DOCK1: variants seen among roughly 807,000 people sequenced by gnomAD.
DOCK1 encodes dedicator of cytokinesis protein 1.
A neutral mutation model predicts 262.7 loss-of-function variants in DOCK1; 138 were observed. The ratio of observed to expected loss-of-function variants is 0.53; its 90% confidence interval spans 0.46 to 0.61. DOCK1 has a LOEUF of 0.61. DOCK1 is among the 20% of genes least tolerant of loss of function. The pLI is 0.00. For synonymous variants in DOCK1, 866 were observed against 867.4 expected, an observed-to-expected ratio of 1.00 and a Z score of 0.03; for missense variants, 1,908 against 2,370.7, an observed-to-expected ratio of 0.80 and a Z score of 4.05.
intron 27 of DOCK1, among the ~76,000 whole-genome samples, chr10:127,244,069 A>G (rs772607052): frequency 2.6e-5 from 4 of 152,274 alleles, no homozygotes; most frequent in African/African-American, 7.2e-5. Flanking sequence ...TGGTTGCACA[A>G]TATTTCATCA....
intron 27 of DOCK1, among the ~76,000 whole-genome samples, chr10:127,182,637 G>A (rs2055846540): frequency 6.6e-6 from 1 of 152,144 alleles, no homozygotes; most frequent in East Asian, 1.9e-4. Flanking sequence ...GAGACATTAT[G>A]TCAATGTAAA....
chr10:126,964,940 C>A (rs2037547224), intron 1 of DOCK1, among the ~76,000 whole-genome samples: 1 of 152,226 alleles, frequency 6.6e-6, no homozygotes, highest in African/African-American at 2.4e-5. Flanking sequence ...CTCTTTCAGA[C>A]TGCATGAGGA....
At chr10:127,054,742 A>T (rs574462775) in intron 22 of DOCK1, among the ~76,000 whole-genome samples, 1 of 152,280 alleles carries the variant, frequency 6.6e-6, no homozygotes, top group South Asian at 2.1e-4. Context: ...GATTTTTGTC[A>T]TGTTTTATTT....
chr10:127,425,690 C>T (rs1263133469), intron 46 of DOCK1, among the ~76,000 whole-genome samples, 184 bp from the exon 47 acceptor site: 1 of 152,132 alleles, frequency 6.6e-6, no homozygotes, highest in Non-Finnish European at 1.5e-5. Context: ...ATTCAGAACA[C>T]AAATGGTTTT....
intron 29 of DOCK1, among the ~76,000 whole-genome samples, chr10:127,302,715 G>A (rs1162108912): frequency 1.3e-5 from 2 of 150,768 alleles, no homozygotes; most frequent in African/African-American, 4.9e-5. Context: ...CATAGGGACA[G>A]CTTTTCCTAA....
At chr10:126,951,095 A>G (rs2036179433) in intron 1 of DOCK1, among the ~76,000 whole-genome samples, 5 of 149,950 alleles carry the variant, frequency 3.3e-5, no homozygotes, top group African/African-American at 9.8e-5. Flanking sequence ...AGTATTGATG[A>G]TAGTGGTGGT....
At chr10:127,357,290 G>C (rs527931313) in intron 32 of DOCK1, among the ~76,000 whole-genome samples, 1 of 152,194 alleles carries the variant, frequency 6.6e-6, no homozygotes, top group South Asian at 2.1e-4. Context: ...TGTCACCTCT[G>C]TAGTCCCTGA....
intron 29 of DOCK1, among the ~76,000 whole-genome samples, chr10:127,298,298 C>T (rs188017038): frequency 6.6e-6 from 1 of 152,092 alleles, no homozygotes; most frequent in Admixed American, 6.5e-5. Flanking sequence ...GGGGTTAGCT[C>T]GAATCTGTGA....
rs61115680 is a variant in DOCK1 at position 127,314,824 on chromosome 10, G to A, written c.3045-24182G>A. Among the ~76,000 whole-genome samples, 699 of 152,330 alleles carry A rather than the reference G, an allele frequency of 4.6e-3. 6 individuals are homozygous for A. Among genetic ancestry groups the A allele is most frequent in the African/African-American group, 0.016 (665 of 41,580 alleles). Reference sequence around the variant, plus strand: ...CTGACCTCGCACCCTCCTAGGGGAGGCAGGGGGCTGAGACCATCTGAAGCC... The same window carrying A: ...CTGACCTCGCACCCTCCTAGGGGAGACAGGGGGCTGAGACCATCTGAAGCC... On this transcript the variant is annotated intron_variant, in intron 29 of 51. Transcript: ENST00000623213.
rs2044741721 is a variant in DOCK1, at chr10:127,051,800, C to T, written c.2202-881C>T. Among the ~76,000 whole-genome samples the T allele has an allele frequency of 2.6e-5, 4 of 152,110 alleles. No homozygotes were observed. In the South Asian group the frequency reaches 8.3e-4, roughly 32 times the overall value. ...GTTTCATTTTGTTGTCCAGGCTGGT[C>T]TCAAACTCCTGAGTTGAAGTGATTC... On this transcript the variant is annotated intron_variant, in intron 21 of 51. Transcript: ENST00000623213.
chr10:127,080,863 C>T (rs1276201737), intron 23 of DOCK1, among the ~76,000 whole-genome samples: 4 of 152,134 alleles, frequency 2.6e-5, no homozygotes, highest in Non-Finnish European at 5.9e-5. Flanking sequence ...CAATTTGCCT[C>T]TGTACTCTCC....
At chr10:127,276,290 A>C (rs2060737933) in intron 29 of DOCK1, among the ~76,000 whole-genome samples, 1 of 152,060 alleles carries the variant, frequency 6.6e-6, no homozygotes, top group African/African-American at 2.4e-5. Flanking sequence ...ACCATTCTTA[A>C]AGCTTTCCAA....
In DOCK1 at chr10:126,995,851, T is replaced by C. The variant is rs1460897059; in HGVS notation, c.474-897T>C. Among the ~76,000 whole-genome samples the C allele has an allele frequency of 1.3e-5, 2 of 152,182 alleles. No homozygotes were observed. The highest frequency in any genetic ancestry group is 4.8e-5 in the African/African-American group (2 of 41,438). The stretch of plus-strand genomic sequence containing the variant: ...TTCACATACAATAGAACATCTGTAT[T>C]GAAAATCTTCCTGTGGCCTCATGTA... On this transcript the variant is annotated intron_variant, in intron 6 of 51. Transcript: ENST00000623213. This position sits in a 1 kb window ranked among gnomAD's most constrained non-coding sequence, Gnocchi z 5.8.
chr10:127,197,119 G>C (rs1360222154), intron 27 of DOCK1, among the ~76,000 whole-genome samples: 1 of 152,118 alleles, frequency 6.6e-6, no homozygotes, highest in Non-Finnish European at 1.5e-5. Context: ...CTCTCTACAT[G>C]GGGACAGGAG....
intron 27 of DOCK1, among the ~76,000 whole-genome samples, chr10:127,195,467 C>G (rs2134159861): frequency 6.6e-6 from 1 of 152,316 alleles, no homozygotes; most frequent in Non-Finnish European, 1.5e-5. Context: ...TCTGCCTTCA[C>G]TGCTGCTCGC....
At chr10:127,081,542 C>T (rs2046898655) in intron 23 of DOCK1, among the ~76,000 whole-genome samples, 1 of 152,122 alleles carries the variant, frequency 6.6e-6, no homozygotes, top group African/African-American at 2.4e-5. Context: ...GTGTTTCTGT[C>T]TTCACTCCTC....
chr10:127,099,512 T>C (rs1274202273), intron 23 of DOCK1, among the ~76,000 whole-genome samples: 1 of 152,168 alleles, frequency 6.6e-6, no homozygotes, highest in Non-Finnish European at 1.5e-5. Flanking sequence ...AGTCATCTGC[T>C]TCTGGTGAGG....
In DOCK1 at chr10:127,051,043, A is replaced by G. The variant is rs1038744088; in HGVS notation, c.2202-1638A>G. ...CATGAATTAATATTAAGCTCCTAAT[A>G]TATAGTTTATTTATACCAACTGTCT... On this transcript the variant is annotated intron_variant, in intron 21 of 51. Coordinates refer to ENST00000623213, the MANE Select transcript of DOCK1 (RefSeq NM_001290223.2). Among the ~76,000 whole-genome samples the G allele has an allele frequency of 1.3e-4, 20 of 152,250 alleles. 1 individual carries two copies. The South Asian group carries it at 4.1e-3, about 32-fold the overall frequency.
Position 126,951,852 on chromosome 10 carries a change from A to ATTTT in DOCK1, c.47-18839_47-18836dup, listed in dbSNP as rs1184702030. Among the ~76,000 whole-genome samples, 83 of 142,626 alleles carry ATTTT rather than the reference A, an allele frequency of 5.8e-4. 2 individuals are homozygous for ATTTT. Among genetic ancestry groups the ATTTT allele is most frequent in the East Asian group, 1.5e-3 (7 of 4,820 alleles). The allele number at this position is 142,626 out of a possible 152,430, so 93.6% of individuals were successfully genotyped here. The stretch of plus-strand genomic sequence containing the variant: ...TATGTAACTTTACTTCAGCCTCTTC[A>ATTTT]TTTTTTTTTTTTTTGAGATGGAGTT... On this transcript the variant is annotated intron_variant, in intron 1 of 51. Coordinates refer to ENST00000623213, the MANE Select transcript of DOCK1 (RefSeq NM_001290223.2).
Sources: allele counts gnomAD v4.1 joint callset (sites outside exome capture counted in the v4.1 genomes callset), GRCh38; gene constraint gnomAD v4.1.1; non-coding constraint Gnocchi (gnomAD v3.1); transcripts MANE v1.5; gene names NCBI Gene and HGNC (gene_info 2026-07-23, HGNC 2026-07-21).